The following GFAP variants were observed in gnomAD, a reference collection of about 807,000 sequenced individuals.
The protein encoded by GFAP is glial fibrillary acidic protein.
A neutral mutation model predicts 49.3 loss-of-function variants in GFAP; 38 were observed. The ratio of observed to expected loss-of-function variants is 0.77; its 90% CI spans 0.60 to 1.01. The LOEUF is 1.01. Ranked by LOEUF, GFAP falls within the 50% of genes least tolerant of loss-of-function variation. GFAP has a pLI of 0.00. For synonymous variants in GFAP, 222 were observed against 236.4 expected, an observed-to-expected ratio of 0.94 and a Z score of 0.56; for missense variants, 463 against 579.1, an observed-to-expected ratio of 0.80 and a Z score of 2.06.
chr17:44,908,197 G>A, intron 7 of GFAP, 48 bp from the exon 8 acceptor site: 1 of 1,323,302 alleles, frequency 7.6e-7, no homozygotes, highest in South Asian at 1.2e-5. Flanking sequence ...CAGGGCATGA[G>A]CCATCCTCTC....
intron 6 of GFAP, 94 bp downstream of exon 6, chr17:44,911,141 CA>C: frequency 8.9e-7 from 1 of 1,127,488 alleles, no homozygotes; most frequent in Non-Finnish European, 1.3e-6. Context: ...GATCTGCACA[CA>C]AGGCTGAAAA....
Position 44,910,957 on chromosome 17 carries a change from A to G in GFAP, c.1127+279T>C, listed in dbSNP as rs556351415. 1.8e-4 allele frequency: 106 copies of G among 603,686 alleles called. No homozygotes were observed. The Middle Eastern group carries it at 2.7e-3, about 15-fold the overall frequency. The allele number at this position is 603,686 out of a possible 1,614,324, so 37.4% of individuals were successfully genotyped here. A position where few individuals can be genotyped will look rare whatever the true frequency, so the allele number is the denominator to read the frequency against. On this transcript the variant is annotated intron_variant, in intron 6 of 8. Transcript: ENST00000588735. The stretch of plus-strand genomic sequence containing the variant: ...AGAGATGGGTGAGGTGAGGAGTCCA[A>G]TCTTGGCTGGGAAGATGGGGAGTAT...
Position 44,908,153 on chromosome 17 carries a change from C to T in GFAP, c.1172-4G>A. On this transcript the variant is annotated splice_polypyrimidine_tract_variant and splice_region_variant and intron_variant, in intron 7 of 8. Coordinates refer to ENST00000588735, the MANE Select transcript of GFAP (RefSeq NM_002055.5). ...GACTTGGTGTCCAGGCTGGTTTCTG[C>T]AGATGTGGGGAGAGGAGGCCTCTCA... 6.2e-7 allele frequency: 1 copy of T among 1,604,486 alleles called. No individual in the cohort carries two copies. Among genetic ancestry groups the T allele is most frequent in the Non-Finnish European group, 8.5e-7 (1 of 1,171,560 alleles).
chr17:44,904,194 T>G lies in GFAP; in HGVS notation c.*3153A>C, dbSNP rs915403479. ...AGGGCTCAGTCTGAGGACTCAGGCC[T>G]GTACTTCTGCGGCACCCGCAAGGGG... On this transcript the variant is annotated 3_prime_UTR_variant, in exon 9 of 9. Transcript: ENST00000588735. 6.4e-7 allele frequency: 1 copy of G among 1,550,560 alleles called. No homozygotes were observed. Among genetic ancestry groups the G allele is most frequent in the East Asian group, 2.4e-5 (1 of 40,922 alleles).
At chr17:44,911,186 T>C in intron 6 of GFAP, 50 bp downstream of exon 6, 1 of 1,519,558 alleles carries the variant, frequency 6.6e-7, no homozygotes, top group Non-Finnish European at 9.1e-7. Flanking sequence ...AGATGAGCTC[T>C]ACCGTGAGGC....
chr17:44,914,171 T>TC, intron 1 of GFAP, 83 bp from the exon 2 acceptor site: 1 of 988,066 alleles, frequency 1.0e-6, no homozygotes, highest in Non-Finnish European at 1.6e-6. Flanking sequence ...GAGGCAGCTG[T>TC]CACAGAGACC....
chr17:44,909,933 C>T (rs2051718965), intron 7 of GFAP: 1 of 1,425,920 alleles, frequency 7.0e-7, no homozygotes, highest in Non-Finnish European at 9.1e-7. Context: ...CCACCTTTAC[C>T]ACTAACAAGC....
Position 44,903,827 on chromosome 17 carries a change from G to A in GFAP, c.*3520C>T. 1 of 1,549,078 alleles carries A rather than the reference G, an allele frequency of 6.5e-7. No homozygotes were observed. The highest frequency in any genetic ancestry group is 8.7e-7 in the Non-Finnish European group (1 of 1,146,074). The stretch of plus-strand genomic sequence containing the variant: ...GCCCCTCTGACCCCTGCCTCCTTCA[G>A]GTATGCACCTGGCCCTCACCACTGT... On this transcript the variant is annotated 3_prime_UTR_variant, in exon 9 of 9. Coordinates refer to ENST00000588735, the MANE Select transcript of GFAP (RefSeq NM_002055.5).
Position 44,904,807 on chromosome 17 carries a change from C to A in GFAP, c.*2540G>T. ...GGTCCATGAGGGTGTTCATTGACCA[C>A]GGCAACCAGCTCCACATCCGCTTCA... On this transcript the variant is annotated 3_prime_UTR_variant, in exon 9 of 9. Transcript: ENST00000588735. 6.4e-7 allele frequency: 1 copy of A among 1,550,702 alleles called. No homozygotes were observed. The highest frequency in any genetic ancestry group is 1.2e-5 in the South Asian group (1 of 84,056).
Position 44,907,374 on chromosome 17 carries a change from G to A in GFAP, c.1272C>T (p.Ser424=). 1.2e-6 allele frequency: 2 copies of A among 1,613,376 alleles called. No homozygotes were observed. The highest frequency in any genetic ancestry group is 8.5e-7 in the Non-Finnish European group (1 of 1,179,366). The part of the protein sequence containing the change: ...EMRDGEVIKE[S]KQEHKDVM The stretch of plus-strand genomic sequence containing the variant: ...ACATCACATCCTTGTGCTCCTGCTT[G>A]GACTCCTTAATGACCTGCAGGGGAC... Residue 424 remains serine, a synonymous_variant, in exon 9 of 9, where the codon TCC becomes TCT. Transcript: ENST00000588735.
At position 44,905,095 on chromosome 17, in the gene GFAP, C is replaced by G. The variant is rs556632207; in HGVS notation, c.*2252G>C. 6.8e-7 allele frequency: 1 copy of G among 1,479,458 alleles called. No individual in the cohort carries two copies. 91.6% of individuals were successfully genotyped at this position (1,479,458 alleles called of 1,614,324 possible). Reference sequence around the variant, plus strand: ...AGGAGCTCTCTTCAGCTCTGAAGACCAGTTGTCCTTCAATGTGTTTGTTAA... The same window carrying G: ...AGGAGCTCTCTTCAGCTCTGAAGACGAGTTGTCCTTCAATGTGTTTGTTAA... On this transcript the variant is annotated 3_prime_UTR_variant, in exon 9 of 9. Coordinates refer to ENST00000588735, the MANE Select transcript of GFAP (RefSeq NM_002055.5).
intron 8 of GFAP, chr17:44,907,655 A>G (rs2051673864): frequency 1.7e-6 from 1 of 585,482 alleles, no homozygotes; most frequent in Admixed American, 2.8e-5. Context: ...CGGATACGCC[A>G]AATCCCCTCT....
In GFAP at chr17:44,904,109, C is replaced by A. The variant is rs557103248; in HGVS notation, c.*3238G>T. 1 of 1,550,478 alleles carries A rather than the reference C, an allele frequency of 6.4e-7. No individual in the cohort carries two copies. Among genetic ancestry groups the A allele is most frequent in the African/African-American group, 1.4e-5 (1 of 73,060 alleles). ...GGTGCTGACGGAGGCAGCCCAGGTA[C>A]GTGTGGGCAGCGACATGCTGACCCG... On this transcript the variant is annotated 3_prime_UTR_variant, in exon 9 of 9. Coordinates refer to ENST00000588735, the MANE Select transcript of GFAP (RefSeq NM_002055.5).
chr17:44,913,311 C>T lies in GFAP; in HGVS notation c.738G>A (p.Ala246=), dbSNP rs147404772. ...KEIRTQYEAM[A]SSNMHEAEEW... Reference sequence around the variant, plus strand: ...CTTCGGCTTCATGCATGTTGCTGGACGCCATTGCCTCATACTGCGTGCGGA... The same window carrying T: ...CTTCGGCTTCATGCATGTTGCTGGATGCCATTGCCTCATACTGCGTGCGGA... Residue 246 remains alanine (A), a synonymous_variant, in exon 4 of 9, where the codon GCG becomes GCA. Transcript: ENST00000588735. 13,901 of 1,614,160 alleles carry T rather than the reference C, an allele frequency of 8.6e-3. 68 individuals carry two copies. The highest frequency in any genetic ancestry group is 1.0e-2 in the Non-Finnish European group (11,790 of 1,179,986).
chr17:44,914,339 G>A, intron 1 of GFAP: 16 of 546,066 alleles, frequency 2.9e-5, no homozygotes, highest in Non-Finnish European at 9.9e-6. Flanking sequence ...TCACACAGGC[G>A]CATCCACAAG....
intron 7 of GFAP, chr17:44,909,832 A>G (rs2051716794): frequency 9.8e-6 from 12 of 1,226,942 alleles, no homozygotes; most frequent in African/African-American, 1.5e-5. Context: ...GCGAGACCCA[A>G]GGGGCCCTCC....
At chr17:44,911,850 C>A in intron 4 of GFAP, 53 bp from the exon 5 acceptor site, 2 of 1,583,094 alleles carry the variant, frequency 1.3e-6, no homozygotes, top group South Asian at 1.1e-5. Flanking sequence ...CAGGCACGGG[C>A]TCTGGGAAAT....
Position 44,904,489 on chromosome 17 carries a change from A to G in GFAP, c.*2858T>C, listed in dbSNP as rs1434467671. 3 of 1,548,392 alleles carry G rather than the reference A, an allele frequency of 1.9e-6. No individual in the cohort carries two copies. Among genetic ancestry groups the G allele is most frequent in the Non-Finnish European group, 2.6e-6 (3 of 1,145,622 alleles). ...TGTCTTGTGGCTCAAGGGCTGTGCC[A>G]AGGAAGCTGCGGACCAAGGCCAGGG... On this transcript the variant is annotated 3_prime_UTR_variant, in exon 9 of 9. Transcript: ENST00000588735.
At chr17:44,908,328 C>A in intron 7 of GFAP, 179 bp from the exon 8 acceptor site, 1 of 377,752 alleles carries the variant, frequency 2.6e-6, no homozygotes, top group Non-Finnish European at 4.8e-6. Context: ...CCCAATAGTG[C>A]TGCTGCCAGA....
Sources: gnomAD v4.1 joint callset for allele counts on GRCh38, gnomAD v4.1.1 for gene constraint, MANE v1.5 for transcripts, NCBI Gene and HGNC (gene_info 2026-07-23, HGNC 2026-07-21) for gene names.